Variants in PDS5B observed in about 807,000 individuals in gnomAD.
PDS5B encodes PDS5 cohesin associated factor B.
A neutral mutation model predicts 184.1 loss-of-function variants in PDS5B; 51 were observed. The ratio of observed to expected loss-of-function variants is 0.28; its 90% CI spans 0.22 to 0.35. The LOEUF (loss-of-function observed/expected upper bound fraction) is 0.35. PDS5B is among the 10% of genes least tolerant of loss of function. PDS5B has a pLI of 1.00. For synonymous variants in PDS5B, 566 were observed against 569.2 expected (o/e 0.99, Z 0.08); for missense variants, 1,180 against 1,723.3 (o/e 0.68, Z 5.58).
intron 10 of PDS5B, among the ~76,000 whole-genome samples, chr13:32,679,645 A>AT (rs1410300046): frequency 1.7e-4 from 25 of 149,666 alleles, no homozygotes; most frequent in African/African-American, 4.4e-4. Flanking sequence ...TCTCAAAAAA[A>AT]AAAAAAAAAT....
intron 3 of PDS5B, among the ~76,000 whole-genome samples, chr13:32,655,362 A>G (rs1950477780): frequency 3.6e-5 from 1 of 27,692 alleles, no homozygotes; most frequent in South Asian, 1.8e-3. Flanking sequence ...TCTTTGCCAT[A>G]TATATATATA....
intron 11 of PDS5B, 81 bp from the exon 12 acceptor site, chr13:32,687,053 A>T (rs1218215183): frequency 8.9e-7 from 1 of 1,122,100 alleles, no homozygotes; most frequent in Non-Finnish European, 1.3e-6. Flanking sequence ...GAAGGAAAAC[A>T]CAAAACTAGG....
chr13:32,618,456 G>A (rs1387576150), intron 1 of PDS5B, among the ~76,000 whole-genome samples: 1 of 152,052 alleles, frequency 6.6e-6, no homozygotes, highest in Non-Finnish European at 1.5e-5. Flanking sequence ...TGTCCAGGAT[G>A]TGAATTATTC....
intron 10 of PDS5B, among the ~76,000 whole-genome samples, chr13:32,683,254 C>G (rs983342693): frequency 3.3e-5 from 5 of 151,900 alleles, no homozygotes; most frequent in African/African-American, 1.2e-4. Context: ...AGTGATCCAC[C>G]TACCTCATCC....
intron 10 of PDS5B, among the ~76,000 whole-genome samples, chr13:32,679,309 T>G (rs1387693089): frequency 2.6e-5 from 4 of 152,200 alleles, no homozygotes; most frequent in Non-Finnish European, 5.9e-5. Context: ...ACTAAGAAAC[T>G]AGTAATTGTT....
intron 18 of PDS5B, among the ~76,000 whole-genome samples, chr13:32,709,123 A>G (rs1482488685): frequency 1.3e-5 from 2 of 151,890 alleles, no homozygotes; most frequent in African/African-American, 4.8e-5. Flanking sequence ...TATTTTAGAA[A>G]CTTATAAATG....
chr13:32,589,065 A>T (rs2057734031), intron 1 of PDS5B, among the ~76,000 whole-genome samples: 1 of 152,234 alleles, frequency 6.6e-6, no homozygotes, highest in African/African-American at 2.4e-5. Flanking sequence ...TGGACTGTAT[A>T]TAACGTATAT....
intron 1 of PDS5B, among the ~76,000 whole-genome samples, chr13:32,591,482 T>C (rs997973257): frequency 3.9e-5 from 6 of 152,200 alleles, no homozygotes; most frequent in Admixed American, 3.3e-4. Context: ...CTTTTCATAC[T>C]GGCACATACA....
intron 1 of PDS5B, among the ~76,000 whole-genome samples, chr13:32,587,194 C>A (rs1458474577): frequency 6.6e-6 from 1 of 150,826 alleles, no homozygotes; most frequent in Admixed American, 6.6e-5. Flanking sequence ...TCCCCGCGCG[C>A]CGCCTGGCCT....
intron 19 of PDS5B, among the ~76,000 whole-genome samples, chr13:32,724,143 G>A (rs1242215583): frequency 6.6e-6 from 1 of 152,128 alleles, no homozygotes; most frequent in Non-Finnish European, 1.5e-5. Flanking sequence ...TTGTGTCAGG[G>A]TCTTGGTCTG....
chr13:32,739,328 G>A (rs1454135535), intron 21 of PDS5B, among the ~76,000 whole-genome samples: 7 of 151,974 alleles, frequency 4.6e-5, no homozygotes, highest in Middle Eastern at 3.4e-3. Flanking sequence ...CCACTGATGC[G>A]TTTGCCCATC....
intron 19 of PDS5B, among the ~76,000 whole-genome samples, chr13:32,716,664 T>TTG (rs1555308727): frequency 3.2e-5 from 3 of 94,472 alleles, no homozygotes; most frequent in Admixed American, 3.0e-4. Flanking sequence ...GGGAGGGAGG[T>TTG]GGGGGGGGTC....
At chr13:32,709,769 C>T (rs943920662) in intron 18 of PDS5B, among the ~76,000 whole-genome samples, 177 bp from the exon 19 acceptor site, 2 of 152,016 alleles carry the variant, frequency 1.3e-5, no homozygotes, top group African/African-American at 4.8e-5. Context: ...TACAGAGGAA[C>T]ATTTCTGTTA....
At chr13:32,709,764 A>G (rs1952144178) in intron 18 of PDS5B, among the ~76,000 whole-genome samples, 182 bp from the exon 19 acceptor site, 1 of 152,144 alleles carries the variant, frequency 6.6e-6, no homozygotes, top group Non-Finnish European at 1.5e-5. Context: ...CTTCCTACAG[A>G]GGAACATTTC....
rs547043932 is a variant in PDS5B, at chr13:32,595,378, A to G, written c.-20+8785A>G. 2.2e-4 allele frequency among the ~76,000 whole-genome samples: 33 copies of G among 152,042 alleles called. No individual in the cohort carries two copies. The South Asian group carries it at 3.9e-3, about 18-fold the overall frequency. On this transcript the variant is annotated intron_variant, in intron 1 of 34. Transcript: ENST00000315596. ...CAAAAGTAAGACGGCAAAAAGGAAAAAGATACACAATAAAAAACCTCTCAT... is the reference window on the plus strand; with the variant it reads ...CAAAAGTAAGACGGCAAAAAGGAAAGAGATACACAATAAAAAACCTCTCAT...
intron 1 of PDS5B, among the ~76,000 whole-genome samples, chr13:32,635,806 C>T (rs890424929): frequency 4.3e-5 from 6 of 140,160 alleles, no homozygotes; most frequent in East Asian, 4.3e-4. Context: ...CTTGCTCTGT[C>T]GCCCAGGCTG....
At chr13:32,692,622 T>G (rs1010252414) in intron 13 of PDS5B, among the ~76,000 whole-genome samples, 1 of 151,750 alleles carries the variant, frequency 6.6e-6, no homozygotes, top group Non-Finnish European at 1.5e-5. Flanking sequence ...CTATTTAAAA[T>G]GTCAGGTAAC....
intron 26 of PDS5B, among the ~76,000 whole-genome samples, chr13:32,756,641 A>G (rs1954191061): frequency 6.6e-6 from 1 of 152,336 alleles, no homozygotes; most frequent in Admixed American, 6.5e-5. Context: ...TTTTTAATCA[A>G]CTAATTTATG....
intron 1 of PDS5B, among the ~76,000 whole-genome samples, chr13:32,639,737 C>T (rs1412565210): frequency 6.6e-6 from 1 of 152,144 alleles, no homozygotes; most frequent in Non-Finnish European, 1.5e-5. Context: ...GCAGTTGTGG[C>T]GAAGACTGCC....
Sources: gnomAD v4.1 joint callset for allele counts (sites outside exome capture counted in the v4.1 genomes callset) on GRCh38, gnomAD v4.1.1 for gene constraint, MANE v1.5 for transcripts, NCBI Gene and HGNC (gene_info 2026-07-23, HGNC 2026-07-21) for gene names.